Variants in CTNND2 observed in about 807,000 individuals in gnomAD.
The protein encoded by CTNND2 is catenin delta 2.
Under a neutral mutation model 144.4 loss-of-function variants are expected in CTNND2, and 22 were observed. That is an observed-to-expected ratio of 0.15 (90% CI 0.11 to 0.22). CTNND2 has a LOEUF of 0.22. CTNND2 is among the 10% of genes least tolerant of loss of function. The pLI is 1.00. For synonymous variants in CTNND2, 751 were observed against 695.6 expected, an observed-to-expected ratio of 1.08 and a Z score of -1.25; for missense variants, 1,353 against 1,618.8, an observed-to-expected ratio of 0.84 and a Z score of 2.82.
At position 11,110,787 on chromosome 5, in the gene CTNND2, A is replaced by C. The variant is rs757875903; in HGVS notation, c.2463+71T>G. 8 of 1,409,058 alleles carry C rather than the reference A, an allele frequency of 5.7e-6. No individual in the cohort carries two copies. The Admixed American group carries it at 1.5e-4, about 26-fold the overall frequency. The allele number at this position is 1,409,058 out of a possible 1,614,324, so 87.3% of individuals were successfully genotyped here. ...TGAAAATGCAGGGCTCATTCTCTAT[A>C]TATTGAGGATATATTACAGTTGCAA... On this transcript the variant is annotated intron_variant, in intron 14 of 21. Coordinates refer to ENST00000304623, the MANE Select transcript of CTNND2 (RefSeq NM_001332.4).
At chr5:11,270,770 A>G (rs986185447) in intron 9 of CTNND2, among the ~76,000 whole-genome samples, 1 of 152,202 alleles carries the variant, frequency 6.6e-6, no homozygotes, top group Non-Finnish European at 1.5e-5. Flanking sequence ...CTTTAGCCTT[A>G]TTATTGCAAG....
chr5:11,532,096 C>T (rs570857811), intron 3 of CTNND2, among the ~76,000 whole-genome samples: 1 of 152,256 alleles, frequency 6.6e-6, no homozygotes, highest in Non-Finnish European at 1.5e-5. Context: ...AACTGCCTGG[C>T]TGTGGACATA....
intron 9 of CTNND2, among the ~76,000 whole-genome samples, chr5:11,311,259 CACACTCACTCCAT>C (rs1750805982): frequency 1.5e-5 from 2 of 130,660 alleles, no homozygotes; most frequent in Non-Finnish European, 3.3e-5. Flanking sequence ...CATAAACTCT[CACACTCACTCCAT>C]GCACCCTCAC....
At chr5:11,830,547 T>C (rs1474972201) in intron 1 of CTNND2, among the ~76,000 whole-genome samples, 2 of 152,240 alleles carry the variant, frequency 1.3e-5, no homozygotes, top group Non-Finnish European at 2.9e-5. Flanking sequence ...CCTTTCCTTC[T>C]GCCATGTTTA....
intron 2 of CTNND2, among the ~76,000 whole-genome samples, chr5:11,638,827 G>GC (rs1333258512): frequency 6.6e-6 from 1 of 152,078 alleles, no homozygotes. Context: ...ACCCACCTCA[G>GC]CCCCGCAAAG....
At chr5:11,646,494 C>T (rs771928555) in intron 2 of CTNND2, among the ~76,000 whole-genome samples, 3 of 152,146 alleles carry the variant, frequency 2.0e-5, no homozygotes, top group Admixed American at 6.5e-5. Flanking sequence ...CTTGCCTGAA[C>T]GTTTCCTTGG....
In CTNND2 at chr5:11,165,031, T is replaced by C. The variant is rs542739232; in HGVS notation, c.1976-5272A>G. On this transcript the variant is annotated intron_variant, in intron 11 of 21. Coordinates refer to ENST00000304623, the MANE Select transcript of CTNND2 (RefSeq NM_001332.4). ...ATAACAGCTGGATGGTATGATCTTATAGGATGCCATGTGCTGTAAGCATCG... is the reference window on the plus strand; with the variant it reads ...ATAACAGCTGGATGGTATGATCTTACAGGATGCCATGTGCTGTAAGCATCG... Among the ~76,000 whole-genome samples, 16 of 152,352 alleles carry C rather than the reference T, an allele frequency of 1.1e-4. No individual in the cohort carries two copies. The East Asian group carries it at 2.9e-3, about 28-fold the overall frequency.
chr5:11,819,917 C>T (rs557541536), intron 1 of CTNND2, among the ~76,000 whole-genome samples: 7 of 152,302 alleles, frequency 4.6e-5, no homozygotes, highest in African/African-American at 1.7e-4. Flanking sequence ...GTATGCTAAG[C>T]AAGCTCTTCC....
intron 9 of CTNND2, among the ~76,000 whole-genome samples, chr5:11,278,041 T>C (rs1352552357): frequency 1.3e-5 from 2 of 152,226 alleles, no homozygotes; most frequent in Non-Finnish European, 2.9e-5. Flanking sequence ...CCAACACCTC[T>C]GTCCTGCTCC....
intron 8 of CTNND2, among the ~76,000 whole-genome samples, chr5:11,351,500 T>A (rs1174860471): frequency 6.6e-6 from 1 of 152,216 alleles, no homozygotes; most frequent in Admixed American, 6.5e-5. Flanking sequence ...GCCTAGTTTA[T>A]AAAGGAAAAA....
rs540364985 is a variant in CTNND2, at chr5:11,450,693, A to G, written c.288-38624T>C. ...GGCGGGTGGATCACGAGGTCAGGAG[A>G]TCGAGACCATCCTGGCTAACATGGT... On this transcript the variant is annotated intron_variant, in intron 3 of 21. Coordinates refer to ENST00000304623, the MANE Select transcript of CTNND2 (RefSeq NM_001332.4). Among the ~76,000 whole-genome samples, 53 of 152,138 alleles carry G rather than the reference A, an allele frequency of 3.5e-4. No individual in the cohort carries two copies. In the South Asian group the frequency reaches 8.7e-3, roughly 25 times the overall value.
At chr5:11,177,775 T>C (rs1233963457) in intron 11 of CTNND2, among the ~76,000 whole-genome samples, 2 of 152,212 alleles carry the variant, frequency 1.3e-5, no homozygotes, top group Non-Finnish European at 2.9e-5. Context: ...GTCATTTTGA[T>C]ATTAAGTTGT....
At chr5:11,000,925 G>A (rs571664760) in intron 18 of CTNND2, among the ~76,000 whole-genome samples, 2 of 152,320 alleles carry the variant, frequency 1.3e-5, no homozygotes, top group South Asian at 4.1e-4. Context: ...GAACAGCCAG[G>A]GCTGTGAACC....
At chr5:11,568,469 T>C (rs1360093950) in intron 2 of CTNND2, among the ~76,000 whole-genome samples, 1 of 152,228 alleles carries the variant, frequency 6.6e-6, no homozygotes, top group Non-Finnish European at 1.5e-5. Context: ...TCTGTCAAGA[T>C]GTAACCACCC....
intron 16 of CTNND2, among the ~76,000 whole-genome samples, chr5:11,040,090 G>A (rs574506453): frequency 1.6e-4 from 25 of 151,888 alleles, no homozygotes; most frequent in Admixed American, 9.8e-4. Context: ...AAAAAACTCC[G>A]AAAAAATTAG....
intron 1 of CTNND2, among the ~76,000 whole-genome samples, chr5:11,791,377 T>C (rs1791129109): frequency 6.6e-6 from 1 of 151,966 alleles, no homozygotes; most frequent in African/African-American, 2.4e-5. Context: ...AACAAGAAAA[T>C]GCTGATATTA....
At chr5:11,622,824 G>C (rs1027515669) in intron 2 of CTNND2, among the ~76,000 whole-genome samples, 1 of 151,996 alleles carries the variant, frequency 6.6e-6, no homozygotes, top group African/African-American at 2.4e-5. Context: ...AAGCAAACAC[G>C]CAAGTAAAAC....
chr5:11,817,410 GGAGAGAGAGAGAGAGAGAGAGAGA>G (rs1157713122), intron 1 of CTNND2, among the ~76,000 whole-genome samples: 16,543 of 22,318 alleles, frequency 0.74, 6,924 homozygotes, highest in East Asian at 0.89. Context: ...GAGAGAGGAG[GGAGAGAGAGAGAGAGAGAGAGAGA>G]GAGAGAGAGA....
In CTNND2 at chr5:11,103,725, TAA is replaced by T. The variant is rs33962989; in HGVS notation, c.2464-4979_2464-4978del. Among the ~76,000 whole-genome samples the T allele has an allele frequency of 3.3e-4, 49 of 146,888 alleles. No individual in the cohort carries two copies. The South Asian group carries it at 9.1e-3, about 27-fold the overall frequency. On this transcript the variant is annotated intron_variant, in intron 14 of 21. Coordinates refer to ENST00000304623, the MANE Select transcript of CTNND2 (RefSeq NM_001332.4). ...AAGTAAAGATGTCAACATACTATAT[TAA>T]AAAAAAAAAAGACTTTGTAAACATG...
Sources: allele counts gnomAD v4.1 joint callset (sites outside exome capture counted in the v4.1 genomes callset), GRCh38; gene constraint gnomAD v4.1.1; transcripts MANE v1.5; gene names NCBI Gene and HGNC (gene_info 2026-07-23, HGNC 2026-07-21).